The following KDELR1 variants were observed in gnomAD, a reference collection of about 807,000 sequenced individuals.
KDELR1 encodes the protein KDEL endoplasmic reticulum protein retention receptor 1.
Under a neutral mutation model 25.5 loss-of-function variants are expected in KDELR1, and 16 were observed. That is an observed-to-expected ratio of 0.63 (90% confidence interval 0.43 to 0.95). KDELR1 has a LOEUF of 0.95. Ranked by LOEUF, KDELR1 falls within the 40% of genes least tolerant of loss-of-function variation. The probability of loss-of-function intolerance (pLI) is 0.00; values close to 1 mark genes in which losing one functional copy is unlikely to be tolerated. For synonymous variants in KDELR1, 121 were observed against 115.0 expected (o/e 1.05, Z -0.33); for missense variants, 159 against 265.2 (o/e 0.60, Z 2.78).
upstream of KDELR1, chr19:48,391,693 G>A (rs2147425895): frequency 2.6e-6 from 1 of 378,838 alleles, no homozygotes; most frequent in East Asian, 6.3e-5. Flanking sequence ...TGCCCCATAG[G>A]AACTTGGGAG....
At position 48,384,198 on chromosome 19, in the gene KDELR1, G is replaced by A; in HGVS notation, c.604+32C>T. ...AGGGCAGGAGCTGCAGAAATAGGAG[G>A]TTCCCTTCCAGCCGTCCCACATTCC... On this transcript the variant is annotated intron_variant, in intron 4 of 4. Coordinates refer to ENST00000330720, the MANE Select transcript of KDELR1 (RefSeq NM_006801.3). The surrounding 1 kb of genome is among the most constrained non-coding windows in gnomAD (Gnocchi z 4.6). The A allele has an allele frequency of 1.2e-6, 2 of 1,610,466 alleles. No homozygotes were observed. Among genetic ancestry groups the A allele is most frequent in the Admixed American group, 1.7e-5 (1 of 59,894 alleles).
rs978852085 is a variant in KDELR1, at chr19:48,391,394, G to A, written c.-36C>T. ...CCCTGGCAGGGCTGAGCGGGAGGGA[G>A]GCAGGCTGGCGGGGGGGTGCCCCCC... On this transcript the variant is annotated 5_prime_UTR_variant, in exon 1 of 5. Coordinates refer to ENST00000330720, the MANE Select transcript of KDELR1 (RefSeq NM_006801.3). 1.6e-5 allele frequency: 25 copies of A among 1,522,068 alleles called. No individual in the cohort carries two copies. The African/African-American group carries it at 2.8e-4, about 17-fold the overall frequency. The allele number at this position is 1,522,068 out of a possible 1,614,324, so 94.3% of individuals were successfully genotyped here.
intron 3 of KDELR1, among the ~76,000 whole-genome samples, chr19:48,387,048 G>A (rs1474231111): frequency 6.8e-6 from 1 of 146,230 alleles, no homozygotes; most frequent in African/African-American, 2.5e-5. Context: ...TCCAGTCTGG[G>A]TGACACAGCA....
At chr19:48,385,177 G>A (rs571358903) in intron 3 of KDELR1, among the ~76,000 whole-genome samples, 2 of 152,280 alleles carry the variant, frequency 1.3e-5, no homozygotes, top group South Asian at 2.1e-4. Flanking sequence ...ATGAGCCACC[G>A]TGCCGGGCCC....
At chr19:48,389,771 A>C in intron 2 of KDELR1, 60 bp from the exon 3 acceptor site, 1 of 1,584,488 alleles carries the variant, frequency 6.3e-7, no homozygotes, top group Non-Finnish European at 8.6e-7. Flanking sequence ...CAGTAGGCTC[A>C]GAGCCCGGAG....
rs1970481433 is a variant in KDELR1, at chr19:48,384,710, G to A, written c.352-228C>T. ...TTAGCACACTTATTCTACAGATGAG[G>A]AAACTGACACCAGAGAAGGTAAGAT... is the stretch of plus-strand genomic sequence containing the variant. On this transcript the variant is annotated intron_variant, in intron 3 of 4. Transcript: ENST00000330720. This position sits in a 1 kb window ranked among gnomAD's most constrained non-coding sequence, Gnocchi z 4.6. Among the ~76,000 whole-genome samples the A allele has an allele frequency of 6.6e-6, 1 of 152,062 alleles. No individual in the cohort carries two copies. Among genetic ancestry groups the A allele is most frequent in the South Asian group, 2.1e-4 (1 of 4,824 alleles).
the KDELR1 span, among the ~76,000 whole-genome samples, chr19:48,397,172 G>C: frequency 6.6e-6 from 1 of 151,692 alleles, no homozygotes; most frequent in South Asian, 2.1e-4. Context: ...CTTGCTTTGA[G>C]AATGAGGGGA....
At chr19:48,396,043 C>T (rs921638986), upstream of KDELR1, among the ~76,000 whole-genome samples, 1 of 152,052 alleles carries the variant, frequency 6.6e-6, no homozygotes, top group South Asian at 2.1e-4. Flanking sequence ...TAGGGGATAG[C>T]GCTTCCGTCT....
intron 1 of KDELR1, 39 bp from the exon 2 acceptor site, chr19:48,390,563 C>CAGAGAGAGAGAG (rs575099358): frequency 0.056 from 54,409 of 966,816 alleles, 955 homozygotes; most frequent in East Asian, 0.16. Flanking sequence ...GAGAGAGAGA[C>CAGAGAGAGAGAG]AGAGAGAGAG....
Position 48,391,392 on chromosome 19 carries a change from G to A in KDELR1, c.-34C>T. ...AACCCTGGCAGGGCTGAGCGGGAGG[G>A]AGGCAGGCTGGCGGGGGGGTGCCCC... On this transcript the variant is annotated 5_prime_UTR_variant, in exon 1 of 5. Coordinates refer to ENST00000330720, the MANE Select transcript of KDELR1 (RefSeq NM_006801.3). The A allele has an allele frequency of 2.0e-6, 3 of 1,525,684 alleles. No homozygotes were observed. The highest frequency in any genetic ancestry group is 2.7e-6 in the Non-Finnish European group (3 of 1,124,134). The allele number at this position is 1,525,684 out of a possible 1,614,324, so 94.5% of individuals were successfully genotyped here.
intron 2 of KDELR1, among the ~76,000 whole-genome samples, 187 bp from the exon 3 acceptor site, chr19:48,389,898 C>T (rs1970529126): frequency 8.2e-6 from 1 of 122,504 alleles, no homozygotes. Context: ...GCCCCCAACC[C>T]CTCCTCCCTC....
chr19:48,388,608 C>G (rs1427223675), intron 3 of KDELR1, among the ~76,000 whole-genome samples: 2 of 151,896 alleles, frequency 1.3e-5, no homozygotes, highest in Admixed American at 1.3e-4. Flanking sequence ...ATCGCTTGAA[C>G]CTGGGAGGTG....
rs1162556907 is a variant in KDELR1 at position 48,391,527 on chromosome 19, T to TGGCGGCGGAGCTGGAGCC, written c.-187_-170dup. ...TGGGAGGGGGAGCAAAGGCTGGAGC[T>TGGCGGCGGAGCTGGAGCC]GGCGGCGGAGCTGGAGCCGGGAAGA... is the stretch of plus-strand genomic sequence containing the variant. On this transcript the variant is annotated 5_prime_UTR_variant, in exon 1 of 5. Transcript: ENST00000330720. The TGGCGGCGGAGCTGGAGCC allele has an allele frequency of 1.4e-5, 8 of 592,046 alleles. No individual in the cohort carries two copies. The highest frequency in any genetic ancestry group is 9.4e-5 in the African/African-American group (5 of 53,240). 36.7% of individuals were successfully genotyped at this position (592,046 alleles called of 1,614,324 possible). A position where few individuals can be genotyped will look rare whatever the true frequency, so the allele number is the denominator to read the frequency against.
chr19:48,391,531 G>C lies in KDELR1; in HGVS notation c.-173C>G. On this transcript the variant is annotated 5_prime_UTR_variant, in exon 1 of 5. Coordinates refer to ENST00000330720, the MANE Select transcript of KDELR1 (RefSeq NM_006801.3). Reference sequence around the variant, plus strand: ...AGGGGGAGCAAAGGCTGGAGCTGGCGGCGGAGCTGGAGCCGGGAAGAGGGA... The same window carrying C: ...AGGGGGAGCAAAGGCTGGAGCTGGCCGCGGAGCTGGAGCCGGGAAGAGGGA... 1.7e-6 allele frequency: 1 copy of C among 598,514 alleles called. No individual in the cohort carries two copies. Among genetic ancestry groups the C allele is most frequent in the South Asian group, 1.9e-5 (1 of 51,320 alleles). 37.1% of individuals were successfully genotyped at this position (598,514 alleles called of 1,614,324 possible).
At position 48,391,497 on chromosome 19, in the gene KDELR1, GA is replaced by G; in HGVS notation, c.-140del. 1.5e-6 allele frequency: 1 copy of G among 654,924 alleles called. No homozygotes were observed. The highest frequency in any genetic ancestry group is 2.7e-6 in the Non-Finnish European group (1 of 376,356). 40.6% of individuals were successfully genotyped at this position (654,924 alleles called of 1,614,324 possible). A position where few individuals can be genotyped will look rare whatever the true frequency, so the allele number is the denominator to read the frequency against. On this transcript the variant is annotated 5_prime_UTR_variant, in exon 1 of 5. Transcript: ENST00000330720. ...TAGGTGCGCTCCGCTCCGGGGAGGG[GA>G]CTTTGGGAGGGGGAGCAAAGGCTGG...
Position 48,391,414 on chromosome 19 carries a change from C to T in KDELR1, c.-56G>A. 7.2e-7 allele frequency: 1 copy of T among 1,389,932 alleles called. No homozygotes were observed. Among genetic ancestry groups the T allele is most frequent in the Non-Finnish European group, 1.0e-6 (1 of 1,002,442 alleles). 86.1% of individuals were successfully genotyped at this position (1,389,932 alleles called of 1,614,324 possible). A position where few individuals can be genotyped will look rare whatever the true frequency, so the allele number is the denominator to read the frequency against. ...AGGGAGGCAGGCTGGCGGGGGGGTG[C>T]CCCCCGAGGCTGCTGGTCTGAACGG... On this transcript the variant is annotated 5_prime_UTR_variant, in exon 1 of 5. Coordinates refer to ENST00000330720, the MANE Select transcript of KDELR1 (RefSeq NM_006801.3).
intron 2 of KDELR1, 93 bp downstream of exon 2, chr19:48,390,331 C>T (rs1164529095): frequency 2.4e-5 from 22 of 927,694 alleles, no homozygotes; most frequent in Non-Finnish European, 3.4e-5. Flanking sequence ...AGTCCAGGCC[C>T]CCAGCCCCTC....
At chr19:48,396,691 G>T in the KDELR1 span, among the ~76,000 whole-genome samples, 1 of 151,866 alleles carries the variant, frequency 6.6e-6, no homozygotes, top group South Asian at 2.1e-4. Context: ...GGAGACAGGG[G>T]CCCGAGATCT....
In KDELR1 at chr19:48,390,539, C is replaced by CAA. The variant is rs1569053411; in HGVS notation, c.92-16_92-15insTT. 6.8e-7 allele frequency: 1 copy of CAA among 1,475,606 alleles called. No individual in the cohort carries two copies. The highest frequency in any genetic ancestry group is 1.5e-5 in the African/African-American group (1 of 67,526). 91.4% of individuals were successfully genotyped at this position (1,475,606 alleles called of 1,614,324 possible). ...CCCTGAAATTCCTGTGGTCCAGAGA[C>CAA]AGAGAAAGAGAGAGAGAGAGAGACA... is the stretch of plus-strand genomic sequence containing the variant. On this transcript the variant is annotated splice_polypyrimidine_tract_variant and intron_variant, in intron 1 of 4. Transcript: ENST00000330720.
Sources: allele counts gnomAD v4.1 joint callset (sites outside exome capture counted in the v4.1 genomes callset), GRCh38; gene constraint gnomAD v4.1.1; non-coding constraint Gnocchi (gnomAD v3.1); transcripts MANE v1.5; gene names NCBI Gene and HGNC (gene_info 2026-07-23, HGNC 2026-07-21).